The following FNBP1 variants were observed in gnomAD, a reference collection of about 807,000 sequenced individuals.
FNBP1 encodes the protein formin-binding protein 1.
Under a neutral mutation model 90.6 loss-of-function variants are expected in FNBP1, and 26 were observed. The ratio of observed to expected loss-of-function variants is 0.29; its 90% CI spans 0.21 to 0.40. FNBP1 has a LOEUF of 0.40. Ranked by LOEUF, FNBP1 falls within the 10% of genes least tolerant of loss-of-function variation. The probability of loss-of-function intolerance (pLI) is 1.00; values close to 1 mark genes in which losing one functional copy is unlikely to be tolerated. For missense variants in FNBP1, 635 were observed against 768.0 expected, an observed-to-expected ratio of 0.83 and a Z score of 2.05; for synonymous variants, 260 against 265.2, an observed-to-expected ratio of 0.98 and a Z score of 0.19.
rs1346783174 is a variant in FNBP1 at position 129,927,201 on chromosome 9, C to A, written c.783G>T (p.Gln261His). ...GIVKAAESID[Q>H]KNDSQLVIEA... is the part of the protein sequence containing the mutation. ...TCCAAATGGCAATACTTACATTTTT[C>A]TGATCAATTGATTCGGCTGCTTTTA... Residue 261 changes from glutamine to histidine, a missense_variant, in exon 8 of 17, where the codon CAG becomes CAT. Physicochemically the swap from Gln to His is conservative, Grantham distance 24 (BLOSUM62 0). Coordinates refer to ENST00000446176, the MANE Select transcript of FNBP1 (RefSeq NM_015033.3). 6.2e-7 allele frequency: 1 copy of A among 1,613,456 alleles called. No individual in the cohort carries two copies. The highest frequency in any genetic ancestry group is 1.7e-5 in the Admixed American group (1 of 59,884).
chr9:130,023,049 G>T (rs2058000309), intron 1 of FNBP1, among the ~76,000 whole-genome samples: 1 of 152,100 alleles, frequency 6.6e-6, no homozygotes, highest in Non-Finnish European at 1.5e-5. Flanking sequence ...CTAAGGAAAA[G>T]AAACCCCCAC....
intron 4 of FNBP1, among the ~76,000 whole-genome samples, chr9:129,964,702 CACAG>C (rs1341634485): frequency 6.6e-6 from 1 of 151,414 alleles, no homozygotes; most frequent in Admixed American, 6.6e-5. Context: ...TGCAAGAAAT[CACAG>C]ACAGAACAGA....
In FNBP1 at chr9:129,887,270, T is replaced by C. The variant is rs1012741379; in HGVS notation, c.*3269A>G. The C allele has an allele frequency of 5.8e-5, 11 of 189,968 alleles. No individual in the cohort carries two copies. The highest frequency in any genetic ancestry group is 2.6e-4 in the African/African-American group (11 of 42,850). The allele number at this position is 189,968 out of a possible 1,614,324, so 11.8% of individuals were successfully genotyped here. On this transcript the variant is annotated 3_prime_UTR_variant, in exon 17 of 17. Coordinates refer to ENST00000446176, the MANE Select transcript of FNBP1 (RefSeq NM_015033.3). ...CCTCCAGTGGAAGCTCTTTATTTGG[T>C]TTAATTCCATCTCCAGAGACAAACA...
At chr9:129,972,101 G>C (rs1329722290) in intron 4 of FNBP1, among the ~76,000 whole-genome samples, 1 of 152,116 alleles carries the variant, frequency 6.6e-6, no homozygotes, top group Non-Finnish European at 1.5e-5. Context: ...GCAGCTTCTT[G>C]TTTCCTATGC....
chr9:129,990,932 G>GTTTTTTTTT (rs35179648), intron 2 of FNBP1, among the ~76,000 whole-genome samples: 26 of 130,002 alleles, frequency 2.0e-4, no homozygotes, highest in Non-Finnish European at 2.4e-4. Flanking sequence ...TGACACCAGG[G>GTTTTTTTTT]TTTTTTTTTT....
chr9:129,947,569 A>C (rs1352330563), intron 6 of FNBP1, among the ~76,000 whole-genome samples: 1 of 152,152 alleles, frequency 6.6e-6, no homozygotes, highest in East Asian at 1.9e-4. Context: ...ACAACGGGCA[A>C]GGGAATGAAT....
chr9:129,996,326 A>C (rs1000589247), intron 1 of FNBP1, among the ~76,000 whole-genome samples: 1 of 152,180 alleles, frequency 6.6e-6, no homozygotes, highest in African/African-American at 2.4e-5. Flanking sequence ...TGGCCCAGGA[A>C]GCAGAGCCCA....
At chr9:129,939,999 G>A (rs536586675) in intron 6 of FNBP1, among the ~76,000 whole-genome samples, 37 of 152,072 alleles carry the variant, frequency 2.4e-4, no homozygotes, top group African/African-American at 8.7e-4. Context: ...CCAGGAGTTC[G>A]AGACCAGCCT....
intron 1 of FNBP1, among the ~76,000 whole-genome samples, chr9:130,040,556 G>C (rs367945200): frequency 9.3e-5 from 14 of 151,178 alleles, no homozygotes; most frequent in African/African-American, 3.4e-4. Context: ...GGGAGGCAGA[G>C]GCTGCAGTGA....
intron 2 of FNBP1, among the ~76,000 whole-genome samples, chr9:129,985,313 G>A (rs1457686046): frequency 1.3e-5 from 2 of 152,118 alleles, no homozygotes; most frequent in Non-Finnish European, 2.9e-5. Context: ...AGACCTTTAT[G>A]CTCTTTATTA....
At chr9:129,904,839 T>C (rs2037672393) in intron 12 of FNBP1, among the ~76,000 whole-genome samples, 1 of 152,192 alleles carries the variant, frequency 6.6e-6, no homozygotes, top group Non-Finnish European at 1.5e-5. Flanking sequence ...AGTTACATTG[T>C]TAACTTGATG....
At chr9:129,965,206 C>A (rs1249950893) in intron 4 of FNBP1, among the ~76,000 whole-genome samples, 1 of 152,194 alleles carries the variant, frequency 6.6e-6, no homozygotes, top group Non-Finnish European at 1.5e-5. Context: ...ATGTCGTACC[C>A]CACTTAAAAC....
intron 6 of FNBP1, among the ~76,000 whole-genome samples, chr9:129,941,413 T>C (rs975073896): frequency 1.3e-5 from 2 of 151,996 alleles, no homozygotes; most frequent in Non-Finnish European, 2.9e-5. Flanking sequence ...ATAAATGCTA[T>C]TAAATAGAAT....
chr9:129,908,332 T>C (rs1290193982), intron 12 of FNBP1, among the ~76,000 whole-genome samples: 2 of 150,498 alleles, frequency 1.3e-5, no homozygotes, highest in Non-Finnish European at 3.0e-5. Context: ...GCCTCCCAAA[T>C]AGCTGGGACT....
intron 6 of FNBP1, among the ~76,000 whole-genome samples, chr9:129,939,585 G>C (rs1313152404): frequency 6.6e-6 from 1 of 152,136 alleles, no homozygotes; most frequent in Admixed American, 6.6e-5. Flanking sequence ...TCAAGCTGTG[G>C]AGTGGGGGAA....
chr9:129,966,968 A>G lies in FNBP1; in HGVS notation c.346-8415T>C, dbSNP rs2048722851. On this transcript the variant is annotated intron_variant, in intron 4 of 16. Coordinates refer to ENST00000446176, the MANE Select transcript of FNBP1 (RefSeq NM_015033.3). The surrounding 1 kb of genome is among the most constrained non-coding windows in gnomAD (Gnocchi z 4.3). Reference sequence around the variant, plus strand: ...GGCTCAGCAGAGTCCTCTAGATGAGAGATAATGAGGCACAGGACTGGGGTA... The same window carrying G: ...GGCTCAGCAGAGTCCTCTAGATGAGGGATAATGAGGCACAGGACTGGGGTA... Among the ~76,000 whole-genome samples, 1 of 152,152 alleles carries G rather than the reference A, an allele frequency of 6.6e-6. No individual in the cohort carries two copies. The highest frequency in any genetic ancestry group is 2.4e-5 in the African/African-American group (1 of 41,444).
chr9:130,027,498 G>A (rs1183755070), intron 1 of FNBP1, among the ~76,000 whole-genome samples: 5 of 152,206 alleles, frequency 3.3e-5, no homozygotes, highest in Non-Finnish European at 7.3e-5. Flanking sequence ...AAGGGGTAGT[G>A]TTAATACTAT....
chr9:129,985,460 G>C (rs538048260), intron 2 of FNBP1, among the ~76,000 whole-genome samples: 1 of 152,318 alleles, frequency 6.6e-6, no homozygotes, highest in Admixed American at 6.5e-5. Context: ...GAAGAACCAG[G>C]ATTACATCCC....
At chr9:130,016,900 G>T (rs2057296546) in intron 1 of FNBP1, among the ~76,000 whole-genome samples, 1 of 152,164 alleles carries the variant, frequency 6.6e-6, no homozygotes. Flanking sequence ...TCTGCAAGGT[G>T]CTGGGGATGT....
Sources: allele counts gnomAD v4.1 joint callset (sites outside exome capture counted in the v4.1 genomes callset), GRCh38; gene constraint gnomAD v4.1.1; non-coding constraint Gnocchi (gnomAD v3.1); transcripts MANE v1.5; gene names NCBI Gene and HGNC (gene_info 2026-07-23, HGNC 2026-07-21).